The following TECRL variants were observed in gnomAD, a reference collection of about 807,000 sequenced individuals.
TECRL encodes trans-2,3-enoyl-CoA reductase-like.
In TECRL, 63 loss-of-function variants were observed where a neutral mutation model predicts 52.8. The observed-to-expected ratio is 1.19, with a 90% CI of 0.97 to 1.47. The LOEUF is 1.47. TECRL is among the 40% of genes most tolerant of loss of function. The pLI is 0.00. For synonymous variants in TECRL, 164 were observed against 141.9 expected, an observed-to-expected ratio of 1.16 and a Z score of -1.10; for missense variants, 482 against 429.6, an observed-to-expected ratio of 1.12 and a Z score of -1.08.
At chr4:64,376,993 C>T (rs1040455754) in intron 1 of TECRL, among the ~76,000 whole-genome samples, 4 of 151,976 alleles carry the variant, frequency 2.6e-5, no homozygotes, top group African/African-American at 7.2e-5. Context: ...AAGCTGTATG[C>T]CATTCTCCAC....
intron 2 of TECRL, among the ~76,000 whole-genome samples, chr4:64,339,104 TA>T (rs1294685661): frequency 2.0e-5 from 3 of 151,844 alleles, no homozygotes; most frequent in African/African-American, 4.8e-5. Context: ...TATGTAGCCA[TA>T]AAAAATGATG....
intron 2 of TECRL, among the ~76,000 whole-genome samples, chr4:64,334,118 T>C (rs1371901105): frequency 6.6e-6 from 1 of 151,564 alleles, no homozygotes; most frequent in Admixed American, 6.6e-5. Flanking sequence ...AGAATTGTTA[T>C]ACTCCTTCTA....
intron 2 of TECRL, among the ~76,000 whole-genome samples, chr4:64,337,323 C>T (rs897403019): frequency 6.6e-5 from 10 of 152,126 alleles, no homozygotes; most frequent in Non-Finnish European, 1.2e-4. Flanking sequence ...CAATATCATA[C>T]TAAATGGGCA....
At chr4:64,299,364 C>A (rs983961220) in intron 8 of TECRL, 2 of 150,848 alleles carry the variant, frequency 1.3e-5, no homozygotes, top group Non-Finnish European at 3.0e-5. Flanking sequence ...GAAAGGAGAA[C>A]ATGAACACAG....
intron 9 of TECRL, among the ~76,000 whole-genome samples, chr4:64,283,990 G>T (rs757156936): frequency 2.6e-5 from 4 of 151,998 alleles, no homozygotes; most frequent in Non-Finnish European, 5.9e-5. Flanking sequence ...TTCTGGGGCT[G>T]ACAGAGAACA....
At chr4:64,359,470 C>T (rs569525259) in intron 2 of TECRL, among the ~76,000 whole-genome samples, 3 of 151,580 alleles carry the variant, frequency 2.0e-5, no homozygotes, top group South Asian at 4.2e-4. Flanking sequence ...GTGTTGCTCA[C>T]ATTCAAATAT....
chr4:64,323,546 A>G (rs1179930168), intron 3 of TECRL, among the ~76,000 whole-genome samples: 2 of 152,208 alleles, frequency 1.3e-5, no homozygotes, highest in East Asian at 1.9e-4. Flanking sequence ...GGTGTAATTT[A>G]TCTTTTTAAA....
intron 2 of TECRL, among the ~76,000 whole-genome samples, chr4:64,373,541 A>G (rs1466361647): frequency 1.3e-5 from 2 of 151,150 alleles, no homozygotes; most frequent in Admixed American, 1.3e-4. Flanking sequence ...TATGTCTATT[A>G]GTTGACATAA....
intron 4 of TECRL, among the ~76,000 whole-genome samples, chr4:64,316,805 A>C (rs750295317): frequency 5.3e-5 from 8 of 152,176 alleles, no homozygotes; most frequent in Admixed American, 1.3e-4. Flanking sequence ...ACTATATTGA[A>C]ATTTCAATTT....
intron 2 of TECRL, among the ~76,000 whole-genome samples, chr4:64,372,745 T>A (rs989385668): frequency 1.3e-5 from 2 of 151,594 alleles, no homozygotes; most frequent in African/African-American, 4.8e-5. Flanking sequence ...TGTCTTCTGA[T>A]AACATATTTT....
At chr4:64,322,493 T>C (rs1398123164) in intron 4 of TECRL, among the ~76,000 whole-genome samples, 196 bp downstream of exon 4, 1 of 151,854 alleles carries the variant, frequency 6.6e-6, no homozygotes, top group African/African-American at 2.4e-5. Context: ...ATCTTCCTTT[T>C]TCAAAACTGT....
rs529797588 is a variant in TECRL, at chr4:64,387,482, A to G, written c.235-12259T>C. The stretch of plus-strand genomic sequence containing the variant: ...AATATATTTAGTTTCGTGAGAAACC[A>G]TCAAATTGCCTTCCAAATGGCTTTA... On this transcript the variant is annotated intron_variant, in intron 1 of 11. Coordinates refer to ENST00000381210, the MANE Select transcript of TECRL (RefSeq NM_001010874.5). Among the ~76,000 whole-genome samples the G allele has an allele frequency of 1.8e-4, 27 of 152,286 alleles. 1 individual carries two copies. The highest frequency in any genetic ancestry group is 6.5e-4 in the African/African-American group (27 of 41,584).
chr4:64,380,100 G>A (rs912622882), intron 1 of TECRL, among the ~76,000 whole-genome samples: 12 of 151,906 alleles, frequency 7.9e-5, no homozygotes, highest in Admixed American at 7.2e-4. Flanking sequence ...TCATACCAGG[G>A]TAAGTTAATA....
chr4:64,325,713 T>C lies in TECRL; in HGVS notation c.331+2799A>G, dbSNP rs186304727. Among the ~76,000 whole-genome samples the C allele has an allele frequency of 9.3e-3, 1,380 of 148,032 alleles. 12 individuals are homozygous for C. The highest frequency in any genetic ancestry group is 0.014 in the Non-Finnish European group (950 of 67,974). On this transcript the variant is annotated intron_variant, in intron 3 of 11. Coordinates refer to ENST00000381210, the MANE Select transcript of TECRL (RefSeq NM_001010874.5). ...CAGCTGGCTTTGTATCACTTGAAAGTGTGCTGAAAATATGTTTCCAATATA... is the reference window on the plus strand; with the variant it reads ...CAGCTGGCTTTGTATCACTTGAAAGCGTGCTGAAAATATGTTTCCAATATA...
At chr4:64,405,164 T>C (rs1724622459) in intron 1 of TECRL, among the ~76,000 whole-genome samples, 1 of 152,146 alleles carries the variant, frequency 6.6e-6, no homozygotes, top group African/African-American at 2.4e-5. Context: ...CTAGCTTTGC[T>C]CTCTTAGTAG....
At chr4:64,384,769 A>G (rs997506804) in intron 1 of TECRL, among the ~76,000 whole-genome samples, 15 of 152,108 alleles carry the variant, frequency 9.9e-5, no homozygotes, top group African/African-American at 1.9e-4. Flanking sequence ...CCCTGACAGC[A>G]TGAATAGGCC....
chr4:64,286,553 T>G (rs982438245), intron 9 of TECRL, among the ~76,000 whole-genome samples: 8 of 150,410 alleles, frequency 5.3e-5, no homozygotes, highest in African/African-American at 1.9e-4. Context: ...AAAACATGGA[T>G]TAACCTACTA....
intron 2 of TECRL, among the ~76,000 whole-genome samples, chr4:64,369,515 T>C (rs545304588): frequency 1.4e-4 from 22 of 152,164 alleles, no homozygotes; most frequent in African/African-American, 5.3e-4. Context: ...TCAAGTAAAA[T>C]AACTGGGTAC....
intron 2 of TECRL, among the ~76,000 whole-genome samples, chr4:64,362,422 A>G (rs1721260888): frequency 6.6e-6 from 1 of 151,982 alleles, no homozygotes; most frequent in Non-Finnish European, 1.5e-5. Context: ...AGTCAAGCAA[A>G]AGAAAAAAAT....
Sources: gnomAD v4.1 joint callset for allele counts (sites outside exome capture counted in the v4.1 genomes callset) on GRCh38, gnomAD v4.1.1 for gene constraint, MANE v1.5 for transcripts, NCBI Gene and HGNC (gene_info 2026-07-23, HGNC 2026-07-21) for gene names.